The following PIK3AP1 variants were observed in gnomAD, a reference collection of about 807,000 sequenced individuals.
PIK3AP1 encodes phosphoinositide-3-kinase adaptor protein 1, also known as phosphoinositide 3-kinase adapter protein 1.
PIK3AP1 carries 21 observed loss-of-function variants against 88.1 expected under a neutral mutation model. The observed-to-expected ratio is 0.24, with a 90% confidence interval of 0.17 to 0.34. The LOEUF is 0.34. Among genes scored for constraint, PIK3AP1 ranks in the 10% least tolerant of loss-of-function variants. The probability of loss-of-function intolerance (pLI) is 1.00; values close to 1 mark genes in which losing one functional copy is unlikely to be tolerated. For synonymous variants in PIK3AP1, 398 were observed against 400.0 expected, an observed-to-expected ratio of 1.00 and a Z score of 0.06; for missense variants, 828 against 1,035.7, an observed-to-expected ratio of 0.80 and a Z score of 2.75.
intron 2 of PIK3AP1, among the ~76,000 whole-genome samples, chr10:96,696,889 AT>A (rs1422327479): frequency 1.3e-5 from 2 of 152,220 alleles, no homozygotes. Context: ...ATTTGGAAAA[AT>A]ATTAGATCGA....
At chr10:96,611,304 G>C (rs11188854) in intron 13 of PIK3AP1, among the ~76,000 whole-genome samples, 85,910 of 151,702 alleles carry the variant, frequency 0.57, 26,131 homozygotes, top group East Asian at 0.83. Flanking sequence ...ACATGCTGGG[G>C]CTCTCTTGGC....
At chr10:96,700,196 T>G (rs1844277831) in intron 2 of PIK3AP1, among the ~76,000 whole-genome samples, 1 of 152,108 alleles carries the variant, frequency 6.6e-6, no homozygotes, top group South Asian at 2.1e-4. Context: ...ACCATGAAAG[T>G]GTAACGCGAA....
chr10:96,705,757 A>T (rs560587112), intron 2 of PIK3AP1, among the ~76,000 whole-genome samples: 1 of 150,330 alleles, frequency 6.7e-6, no homozygotes, highest in South Asian at 2.1e-4. Flanking sequence ...TAATTTTTGT[A>T]TTTTTTGTAG....
intron 2 of PIK3AP1, among the ~76,000 whole-genome samples, chr10:96,673,922 C>T (rs967988543): frequency 1.3e-5 from 2 of 152,148 alleles, no homozygotes; most frequent in Non-Finnish European, 2.9e-5. Context: ...GCTGACCCTT[C>T]GCATTCCGAC....
intron 2 of PIK3AP1, among the ~76,000 whole-genome samples, chr10:96,677,762 G>C (rs1463215476): frequency 1.3e-5 from 2 of 152,124 alleles, no homozygotes; most frequent in Non-Finnish European, 2.9e-5. Flanking sequence ...GGTTTTCACT[G>C]TTCATTTAGG....
At chr10:96,668,917 G>A (rs528704654) in intron 2 of PIK3AP1, among the ~76,000 whole-genome samples, 23 of 152,054 alleles carry the variant, frequency 1.5e-4, no homozygotes, top group Non-Finnish European at 2.9e-4. Flanking sequence ...ATCACTTGAG[G>A]TCAGGAGTTT....
At chr10:96,710,080 G>GGAT in intron 1 of PIK3AP1, 97 bp from the exon 2 acceptor site, 2 of 1,252,146 alleles carry the variant, frequency 1.6e-6, no homozygotes, top group Non-Finnish European at 2.2e-6. Flanking sequence ...CACTGGGTCT[G>GGAT]GCACCCACAA....
intron 2 of PIK3AP1, among the ~76,000 whole-genome samples, chr10:96,706,189 G>A (rs534097662): frequency 3.9e-5 from 6 of 152,070 alleles, no homozygotes; most frequent in Middle Eastern, 3.4e-3. Context: ...CACCGCTCCC[G>A]GCCATGCCCA....
chr10:96,702,262 A>C (rs1189365131), intron 2 of PIK3AP1, among the ~76,000 whole-genome samples: 1 of 152,178 alleles, frequency 6.6e-6, no homozygotes, highest in East Asian at 1.9e-4. Context: ...ACAGTTCAGG[A>C]GGCCGAGGCG....
At chr10:96,616,388 T>G (rs547412728) in intron 13 of PIK3AP1, among the ~76,000 whole-genome samples, 1 of 152,316 alleles carries the variant, frequency 6.6e-6, no homozygotes, top group African/African-American at 2.4e-5. Flanking sequence ...GGTGGAAGCA[T>G]GCAGAGTTGA....
chr10:96,623,874 G>A (rs1843120350), intron 10 of PIK3AP1, among the ~76,000 whole-genome samples: 1 of 152,192 alleles, frequency 6.6e-6, no homozygotes, highest in South Asian at 2.1e-4. Context: ...ATAAAAGGAA[G>A]TACCACTTAA....
At position 96,668,491 on chromosome 10, in the gene PIK3AP1, CT is replaced by C. The variant is rs1428023061; in HGVS notation, c.431-11558del. Among the ~76,000 whole-genome samples, 3 of 152,078 alleles carry C rather than the reference CT, an allele frequency of 2.0e-5. No homozygotes were observed. In the South Asian group the frequency reaches 6.2e-4, roughly 32 times the overall value. Reference sequence around the variant, plus strand: ...AGCATAAACATGCTGGATTCTTTCTCTAAGTTTTAGATACAAGGAAAAAGAA... The same window carrying C: ...AGCATAAACATGCTGGATTCTTTCTCAAGTTTTAGATACAAGGAAAAAGAA... On this transcript the variant is annotated intron_variant, in intron 2 of 16. Coordinates refer to ENST00000339364, the MANE Select transcript of PIK3AP1 (RefSeq NM_152309.3).
chr10:96,677,578 TACACACACACACACACACACACAC>T (rs35018772), intron 2 of PIK3AP1, among the ~76,000 whole-genome samples: 1 of 121,112 alleles, frequency 8.3e-6, no homozygotes, highest in Non-Finnish European at 1.8e-5. Context: ...ACTAAGCACA[TACACACACACACACACACACACAC>T]ACACACACAC....
intron 2 of PIK3AP1, among the ~76,000 whole-genome samples, chr10:96,667,009 C>T (rs551388640): frequency 1.1e-4 from 17 of 152,316 alleles, no homozygotes; most frequent in African/African-American, 3.1e-4. Context: ...CTGTCACTGA[C>T]GCCTAAAGGT....
At position 96,602,168 on chromosome 10, in the gene PIK3AP1, C is replaced by T. The variant is rs547425344; in HGVS notation, c.2360+112G>A. 2.6e-4 allele frequency: 237 copies of T among 896,650 alleles called. 6 individuals carry two copies. The South Asian group carries it at 3.3e-3, about 13-fold the overall frequency. The allele number at this position is 896,650 out of a possible 1,614,324, so 55.5% of individuals were successfully genotyped here. On this transcript the variant is annotated intron_variant, in intron 16 of 16. Transcript: ENST00000339364. ...AAAGTGCTGGGATTACAGGCATGAG[C>T]CACTGCGCCCAGCTCTGCGCTTATT...
Position 96,618,266 on chromosome 10 carries a change from C to T in PIK3AP1, c.1942-1555G>A, listed in dbSNP as rs145252812. 7.1e-3 allele frequency among the ~76,000 whole-genome samples: 1,088 copies of T among 152,304 alleles called. 16 individuals carry two copies. Among genetic ancestry groups the T allele is most frequent in the African/African-American group, 0.024 (1,000 of 41,566 alleles). Reference sequence around the variant, plus strand: ...TGTATACCTATGTAAAAAACCTGCACGTTGTGCACATGTACCCTAGAACTT... The same window carrying T: ...TGTATACCTATGTAAAAAACCTGCATGTTGTGCACATGTACCCTAGAACTT... On this transcript the variant is annotated intron_variant, in intron 12 of 16. Coordinates refer to ENST00000339364, the MANE Select transcript of PIK3AP1 (RefSeq NM_152309.3).
At chr10:96,628,311 G>C (rs903512806) in intron 9 of PIK3AP1, 87 bp downstream of exon 9, 8 of 1,175,186 alleles carry the variant, frequency 6.8e-6, no homozygotes, top group East Asian at 2.3e-5. Context: ...TTCCTTGAGG[G>C]GAGCAACCCT....
intron 8 of PIK3AP1, among the ~76,000 whole-genome samples, chr10:96,638,564 G>A (rs866042396): frequency 3.3e-5 from 5 of 152,044 alleles, no homozygotes; most frequent in South Asian, 4.1e-4. Flanking sequence ...AAGGGGCTGC[G>A]GATAAATAGT....
intron 9 of PIK3AP1, 146 bp downstream of exon 9, chr10:96,628,252 G>T: frequency 1.3e-6 from 1 of 740,780 alleles, no homozygotes; most frequent in Non-Finnish European, 2.4e-6. Context: ...GGGGTCGGGG[G>T]AGGCAGAGTG....
Sources: gnomAD v4.1 joint callset for allele counts (sites outside exome capture counted in the v4.1 genomes callset) on GRCh38, gnomAD v4.1.1 for gene constraint, MANE v1.5 for transcripts, NCBI Gene and HGNC (gene_info 2026-07-23, HGNC 2026-07-21) for gene names.